STARD3NL: variants seen among roughly 807,000 people sequenced by gnomAD.
STARD3NL encodes STARD3 N-terminal-like protein.
STARD3NL carries 17 observed loss-of-function variants against 30.9 expected under a neutral mutation model. The ratio of observed to expected loss-of-function variants is 0.55; its 90% confidence interval spans 0.38 to 0.82. STARD3NL has a LOEUF of 0.82. STARD3NL is among the 40% of genes least tolerant of loss of function. The pLI is 0.00. For synonymous variants in STARD3NL, 112 were observed against 100.5 expected, an observed-to-expected ratio of 1.11 and a Z score of -0.69; for missense variants, 234 against 277.6, an observed-to-expected ratio of 0.84 and a Z score of 1.12.
chr7:38,194,562 AT>A (rs1289914823), intron 1 of STARD3NL, among the ~76,000 whole-genome samples: 1 of 151,972 alleles, frequency 6.6e-6, no homozygotes, highest in African/African-American at 2.4e-5. Flanking sequence ...TAAGGTAGTG[AT>A]TTTGATAGTA....
chr7:38,200,074 T>C (rs1785103694), intron 1 of STARD3NL, among the ~76,000 whole-genome samples: 1 of 152,120 alleles, frequency 6.6e-6, no homozygotes, highest in Admixed American at 6.5e-5. Flanking sequence ...TGAAATGCCA[T>C]CCCAGAAATG....
intron 1 of STARD3NL, among the ~76,000 whole-genome samples, chr7:38,194,242 C>T (rs975568128): frequency 1.3e-5 from 2 of 152,060 alleles, no homozygotes; most frequent in South Asian, 4.1e-4. Flanking sequence ...TTAGTACTCC[C>T]TTTATTAGTA....
chr7:38,218,751 G>T (rs1450656410), intron 6 of STARD3NL, among the ~76,000 whole-genome samples: 1 of 152,192 alleles, frequency 6.6e-6, no homozygotes, highest in Non-Finnish European at 1.5e-5. Flanking sequence ...AGTGTTGGTG[G>T]CCTTGCGTGT....
chr7:38,188,607 G>A (rs774511120), intron 1 of STARD3NL, among the ~76,000 whole-genome samples: 2 of 152,214 alleles, frequency 1.3e-5, no homozygotes, highest in Non-Finnish European at 2.9e-5. Flanking sequence ...TGAAGTAGAT[G>A]TGGTATATTC....
chr7:38,223,878 T>A (rs967820432), intron 7 of STARD3NL, among the ~76,000 whole-genome samples: 1 of 152,210 alleles, frequency 6.6e-6, no homozygotes, highest in African/African-American at 2.4e-5. Flanking sequence ...TTAGTAAATT[T>A]ATAAATTTTT....
At chr7:38,225,019 A>G (rs1448686354) in intron 7 of STARD3NL, among the ~76,000 whole-genome samples, 1 of 152,102 alleles carries the variant, frequency 6.6e-6, no homozygotes, top group African/African-American at 2.4e-5. Context: ...AATGCTTAGT[A>G]TGGGGTCTTT....
rs1240252532 is a variant in STARD3NL, at chr7:38,219,781, A to T, written c.649+121A>T. ...GCTAACATCTAACATGCCAGGCATT[A>T]GGGATATGAAAATAGGTGAGACACG... On this transcript the variant is annotated intron_variant, in intron 7 of 8. Coordinates refer to ENST00000009041, the MANE Select transcript of STARD3NL (RefSeq NM_032016.4). 5.3e-6 allele frequency: 4 copies of T among 748,972 alleles called. No individual in the cohort carries two copies. In the African/African-American group the frequency reaches 6.8e-5, roughly 13 times the overall value. 46.4% of individuals were successfully genotyped at this position (748,972 alleles called of 1,614,324 possible).
At chr7:38,189,257 A>G (rs1784586836) in intron 1 of STARD3NL, among the ~76,000 whole-genome samples, 1 of 152,216 alleles carries the variant, frequency 6.6e-6, no homozygotes, top group Admixed American at 6.5e-5. Flanking sequence ...TGATGCCTAG[A>G]AAATAAAGAT....
intron 1 of STARD3NL, among the ~76,000 whole-genome samples, chr7:38,197,695 T>G (rs953645630): frequency 6.6e-6 from 1 of 152,202 alleles, no homozygotes; most frequent in Non-Finnish European, 1.5e-5. Flanking sequence ...GTCACATGGG[T>G]GCCTTTAGAA....
At chr7:38,207,062 C>A (rs17410426) in intron 1 of STARD3NL, among the ~76,000 whole-genome samples, 34,380 of 152,152 alleles carry the variant, frequency 0.23, 3,932 homozygotes, top group Middle Eastern at 0.26. Context: ...AGATGATTTT[C>A]TAGCCCATGC....
chr7:38,200,024 G>A (rs1363464089), intron 1 of STARD3NL, among the ~76,000 whole-genome samples: 2 of 152,156 alleles, frequency 1.3e-5, no homozygotes, highest in Non-Finnish European at 2.9e-5. Context: ...AGGCTAGCCA[G>A]TCCCACACAC....
chr7:38,229,704 A>G (rs1186075290), intron 8 of STARD3NL, among the ~76,000 whole-genome samples: 1 of 152,198 alleles, frequency 6.6e-6, no homozygotes, highest in Non-Finnish European at 1.5e-5. Flanking sequence ...TCTCCACCAC[A>G]GTCATGTAGA....
At chr7:38,191,088 G>A (rs111428225) in intron 1 of STARD3NL, among the ~76,000 whole-genome samples, 5 of 152,262 alleles carry the variant, frequency 3.3e-5, no homozygotes, top group African/African-American at 1.2e-4. Flanking sequence ...GAGAGATGCT[G>A]CTTTGAAACT....
chr7:38,188,951 C>A (rs1260071493), intron 1 of STARD3NL, among the ~76,000 whole-genome samples: 26 of 152,172 alleles, frequency 1.7e-4, no homozygotes, highest in Admixed American at 1.7e-3. Context: ...TTAAATTTTT[C>A]TAAGTCATTG....
At chr7:38,182,551 G>A (rs753660983) in intron 1 of STARD3NL, among the ~76,000 whole-genome samples, 60 of 152,320 alleles carry the variant, frequency 3.9e-4, no homozygotes, top group South Asian at 6.2e-4. Context: ...GCTGTCATCA[G>A]TTCTGATGTC....
At chr7:38,186,376 T>G (rs1017072824) in intron 1 of STARD3NL, among the ~76,000 whole-genome samples, 1 of 152,192 alleles carries the variant, frequency 6.6e-6, no homozygotes, top group African/African-American at 2.4e-5. Context: ...TGGAAAAAGA[T>G]AGTCAACAAC....
At chr7:38,203,363 A>G (rs1235219077) in intron 1 of STARD3NL, among the ~76,000 whole-genome samples, 1 of 152,224 alleles carries the variant, frequency 6.6e-6, no homozygotes, top group Non-Finnish European at 1.5e-5. Flanking sequence ...CCAGAATTTC[A>G]TATCTAGCCA....
intron 1 of STARD3NL, among the ~76,000 whole-genome samples, chr7:38,181,635 G>A (rs1018994326): frequency 4.6e-5 from 7 of 152,240 alleles, no homozygotes; most frequent in South Asian, 2.1e-4. Flanking sequence ...AATGGAATTA[G>A]TATCTTCTTT....
At chr7:38,194,505 C>T (rs1784823272) in intron 1 of STARD3NL, among the ~76,000 whole-genome samples, 1 of 151,948 alleles carries the variant, frequency 6.6e-6, no homozygotes, top group Admixed American at 6.6e-5. Flanking sequence ...TATTTAAATG[C>T]CGAATTATTT....
Sources: allele counts gnomAD v4.1 joint callset (sites outside exome capture counted in the v4.1 genomes callset), GRCh38; gene constraint gnomAD v4.1.1; transcripts MANE v1.5; gene names NCBI Gene and HGNC (gene_info 2026-07-23, HGNC 2026-07-21).